Variants in RBFOX1 observed in about 807,000 individuals in gnomAD.
The protein encoded by RBFOX1 is RNA binding fox-1 homolog 1.
Under a neutral mutation model 57.7 loss-of-function variants are expected in RBFOX1, and 8 were observed. The ratio of observed to expected loss-of-function variants is 0.14; its 90% CI spans 0.08 to 0.25. RBFOX1 has a LOEUF of 0.25. Ranked by LOEUF, RBFOX1 falls within the 10% of genes least tolerant of loss-of-function variation. The pLI is 1.00. For synonymous variants in RBFOX1, 326 were observed against 222.4 expected (o/e 1.47, Z -4.15); for missense variants, 611 against 548.5 (o/e 1.11, Z -1.14).
At chr16:7,385,929 T>TATTC (rs2097869210) in intron 4 of RBFOX1, among the ~76,000 whole-genome samples, 1 of 122,308 alleles carries the variant, frequency 8.2e-6, no homozygotes, top group Non-Finnish European at 1.8e-5. Context: ...CTTATTTATT[T>TATTC]ATTTATTTAT....
chr16:6,020,179 C>T (rs1461949543), intron 1 of RBFOX1, among the ~76,000 whole-genome samples, 187 bp downstream of exon 1: 1 of 152,062 alleles, frequency 6.6e-6, no homozygotes, highest in Non-Finnish European at 1.5e-5. Context: ...CCCCTACCCC[C>T]AGGAGGCCGA....
intron 1 of RBFOX1, among the ~76,000 whole-genome samples, chr16:6,269,288 T>G (rs1228184285): frequency 3.3e-5 from 5 of 152,238 alleles, no homozygotes; most frequent in Non-Finnish European, 5.9e-5. Context: ...TTGTTATTTA[T>G]TTTTAAATTT....
chr16:6,190,332 A>G (rs2097133658), intron 1 of RBFOX1, among the ~76,000 whole-genome samples: 1 of 152,190 alleles, frequency 6.6e-6, no homozygotes, highest in Admixed American at 6.5e-5. Flanking sequence ...GATGTGTCCT[A>G]TAGACGTTGT....
intron 4 of RBFOX1, among the ~76,000 whole-genome samples, chr16:7,177,356 T>C (rs1026067931): frequency 2.0e-5 from 3 of 152,128 alleles, no homozygotes; most frequent in Non-Finnish European, 4.4e-5. Context: ...AAGTAGAGTT[T>C]CCAACACAGA....
intron 4 of RBFOX1, among the ~76,000 whole-genome samples, chr16:7,157,909 C>T (rs17737551): frequency 0.15 from 22,454 of 152,050 alleles, 1,903 homozygotes; most frequent in East Asian, 0.33. Context: ...TAGAGACTTC[C>T]GAGGAGCTGT....
At chr16:6,581,103 A>T (rs1436028256) in intron 2 of RBFOX1, among the ~76,000 whole-genome samples, 3 of 152,098 alleles carry the variant, frequency 2.0e-5, no homozygotes, top group Non-Finnish European at 4.4e-5. Context: ...CTTTTGAGTT[A>T]TCCCCATATA....
intron 4 of RBFOX1, among the ~76,000 whole-genome samples, chr16:7,111,483 G>A (rs77262986): frequency 0.016 from 2,410 of 152,220 alleles, 73 homozygotes; most frequent in African/African-American, 0.054. Flanking sequence ...TTTTAAATGA[G>A]TGCAGTGTGG....
chr16:6,307,549 A>ATT (rs2079666090), intron 1 of RBFOX1, among the ~76,000 whole-genome samples: 1 of 148,316 alleles, frequency 6.7e-6, no homozygotes, highest in African/African-American at 2.5e-5. Context: ...ATATTAAGTC[A>ATT]TTATATAATA....
chr16:6,248,580 G>A (rs918260146), intron 1 of RBFOX1, among the ~76,000 whole-genome samples: 2 of 152,118 alleles, frequency 1.3e-5, no homozygotes, highest in Non-Finnish European at 2.9e-5. Flanking sequence ...GATGCAAATT[G>A]GGGAGGGTTT....
intron 2 of RBFOX1, among the ~76,000 whole-genome samples, chr16:6,469,377 C>G (rs2095122970): frequency 6.6e-6 from 1 of 152,132 alleles, no homozygotes; most frequent in African/African-American, 2.4e-5. Flanking sequence ...GAAGCCTACC[C>G]TATCATTTCT....
chr16:5,319,013 G>A (rs1296860576), intron 1 of RBFOX1, among the ~76,000 whole-genome samples: 1 of 152,158 alleles, frequency 6.6e-6, no homozygotes, highest in Non-Finnish European at 1.5e-5. Flanking sequence ...TGTAGTCCCA[G>A]CTACTTGGGA....
chr16:7,132,074 C>T (rs2070606172), intron 4 of RBFOX1, among the ~76,000 whole-genome samples: 2 of 149,830 alleles, frequency 1.3e-5, no homozygotes, highest in African/African-American at 4.9e-5. Context: ...TCACTGCAAC[C>T]TCTGCCGCCC....
At position 5,791,975 on chromosome 16, in the gene RBFOX1, A is replaced by C. The variant is rs558424465; in HGVS notation, c.319-75328A>C. 6.6e-5 allele frequency among the ~76,000 whole-genome samples: 10 copies of C among 152,224 alleles called. No homozygotes were observed. In the East Asian group the frequency reaches 1.9e-3, roughly 30 times the overall value. ...TCTGGGGCTTGGAGGTCCTTTGTAC[A>C]CCAGAGACTTTGAGGATGACTTTGG... On this transcript the variant is annotated intron_variant, in intron 3 of 19. Coordinates refer to the RBFOX1 transcript ENST00000641259.
intron 4 of RBFOX1, among the ~76,000 whole-genome samples, chr16:5,965,060 C>T (rs1420824677): frequency 2.0e-5 from 3 of 152,056 alleles, no homozygotes; most frequent in African/African-American, 7.2e-5. Context: ...TCTATAATAT[C>T]ACTTATACGT....
intron 4 of RBFOX1, among the ~76,000 whole-genome samples, chr16:7,475,932 A>T (rs1474082086): frequency 1.3e-5 from 2 of 152,180 alleles, no homozygotes; most frequent in African/African-American, 2.4e-5. Context: ...AGTAACCTGC[A>T]GAAGAGCCAG....
chr16:6,709,679 C>G (rs1449417867), intron 3 of RBFOX1, among the ~76,000 whole-genome samples: 1 of 151,978 alleles, frequency 6.6e-6, no homozygotes, highest in African/African-American at 2.4e-5. Flanking sequence ...GCCAGTGGTG[C>G]TGAAGGGTTT....
intron 14 of RBFOX1, among the ~76,000 whole-genome samples, chr16:7,699,143 G>A (rs1236965956): frequency 1.3e-5 from 2 of 152,124 alleles, no homozygotes; most frequent in African/African-American, 2.4e-5. Context: ...CCAGATAATT[G>A]TAATAGAAAA....
At chr16:7,532,497 G>C (rs1000171052) in intron 5 of RBFOX1, among the ~76,000 whole-genome samples, 1 of 152,196 alleles carries the variant, frequency 6.6e-6, no homozygotes, top group Non-Finnish European at 1.5e-5. Flanking sequence ...TAGGAAAAGG[G>C]AGGACGTGAG....
At chr16:5,649,963 C>T (rs749061711) in intron 3 of RBFOX1, among the ~76,000 whole-genome samples, 8 of 152,274 alleles carry the variant, frequency 5.3e-5, no homozygotes, top group East Asian at 1.9e-4. Flanking sequence ...GTGGAACACG[C>T]GGGGAGGTCG....
Sources: gnomAD v4.1 joint callset for allele counts (sites outside exome capture counted in the v4.1 genomes callset) on GRCh38, gnomAD v4.1.1 for gene constraint, MANE v1.5 for transcripts, NCBI Gene and HGNC (gene_info 2026-07-23, HGNC 2026-07-21) for gene names.